ARHGAP8: variants seen among roughly 807,000 people sequenced by gnomAD.
The protein encoded by ARHGAP8 is Rho GTPase activating protein 8, also known as rho GTPase-activating protein 8.
A neutral mutation model predicts 46.1 loss-of-function variants in ARHGAP8; 62 were observed. The observed-to-expected ratio is 1.34, with a 90% CI of 1.10 to 1.66. ARHGAP8 has a LOEUF of 1.66. ARHGAP8 is among the 40% of genes most tolerant of loss of function. ARHGAP8 has a pLI of 0.00. For synonymous variants in ARHGAP8, 375 were observed against 243.1 expected (o/e 1.54, Z -5.05); for missense variants, 923 against 568.4 (o/e 1.62, Z -6.34).
intron 10 of ARHGAP8, among the ~76,000 whole-genome samples, chr22:44,853,000 C>T (rs1442870042): frequency 2.0e-5 from 3 of 152,190 alleles, no homozygotes; most frequent in Non-Finnish European, 4.4e-5. Flanking sequence ...GACAGCATTT[C>T]ACTGTGTCAG....
chr22:44,820,638 G>C (rs2349854), intron 5 of ARHGAP8, among the ~76,000 whole-genome samples: 111,829 of 152,124 alleles, frequency 0.74, 41,296 homozygotes, highest in East Asian at 0.92. Context: ...CTCCCCTTGT[G>C]CTTGGGGTGA....
chr22:44,801,738 C>T (rs1464622550), intron 2 of ARHGAP8: 2 of 287,760 alleles, frequency 7.0e-6, no homozygotes, highest in Non-Finnish European at 1.3e-5. Context: ...AGAGTGGCTA[C>T]ACCCTGCCTT....
At chr22:44,778,124 C>T (rs1602161388) in intron 1 of ARHGAP8, among the ~76,000 whole-genome samples, 1 of 151,996 alleles carries the variant, frequency 6.6e-6, no homozygotes, top group East Asian at 1.9e-4. Context: ...TGGGTGCACC[C>T]ATCACCTGAG....
intron 7 of ARHGAP8, among the ~76,000 whole-genome samples, chr22:44,830,000 C>A (rs1321158938): frequency 6.8e-6 from 1 of 147,358 alleles, no homozygotes; most frequent in East Asian, 2.0e-4. Flanking sequence ...TGAGCTCTGG[C>A]ATTTTCTTTT....
chr22:44,819,568 G>A (rs1180892682), intron 5 of ARHGAP8, among the ~76,000 whole-genome samples: 1 of 152,286 alleles, frequency 6.6e-6, no homozygotes, highest in Middle Eastern at 3.4e-3. Flanking sequence ...AGCTACTCAG[G>A]AGGGTGAGCT....
chr22:44,783,446 C>T (rs1926991086), intron 1 of ARHGAP8, among the ~76,000 whole-genome samples: 1 of 152,202 alleles, frequency 6.6e-6, no homozygotes, highest in African/African-American at 2.4e-5. Flanking sequence ...CTCCTGCTCC[C>T]CCTTCTCTGC....
At position 44,862,506 on chromosome 22, in the gene ARHGAP8, C is replaced by A; in HGVS notation, c.1213C>A (p.Gln405Lys). The A allele has an allele frequency of 6.2e-7, 1 of 1,613,320 alleles. No homozygotes were observed. Among genetic ancestry groups the A allele is most frequent in the Non-Finnish European group, 8.5e-7 (1 of 1,179,408 alleles). Residue 405 changes from glutamine (Q) to lysine (K), a missense_variant, in exon 12 of 12, where the codon CAG becomes AAG. Coordinates refer to ENST00000356099, the MANE Select transcript of ARHGAP8 (RefSeq NM_181335.3). Reference protein sequence around the residue: ...WEQGSRAAPLQEAVPRTQATG... With the variant: ...WEQGSRAAPLKEAVPRTQATG... Reference sequence around the variant, plus strand: ...ACAGGGGAGCAGGGCAGCCCCTTTGCAGGAGGCTGTGCCACGGACACAAGC... The same window carrying A: ...ACAGGGGAGCAGGGCAGCCCCTTTGAAGGAGGCTGTGCCACGGACACAAGC...
At chr22:44,809,305 A>G (rs751320301) in intron 4 of ARHGAP8, 1 of 425,594 alleles carries the variant, frequency 2.3e-6, no homozygotes, top group Non-Finnish European at 4.9e-6. Context: ...ACTTAAAAAC[A>G]TAAAAAGCCA....
intron 2 of ARHGAP8, among the ~76,000 whole-genome samples, chr22:44,793,043 C>T (rs772236252): frequency 1.9e-4 from 29 of 152,076 alleles, no homozygotes; most frequent in Admixed American, 3.9e-4. Flanking sequence ...AGGTTAGTCT[C>T]GAAATCCTGA....
Position 44,822,422 on chromosome 22 carries a change from C to A in ARHGAP8, c.438C>A (p.His146Gln). 6.3e-7 allele frequency: 1 copy of A among 1,578,404 alleles called. No homozygotes were observed. Among genetic ancestry groups the A allele is most frequent in the Non-Finnish European group, 8.6e-7 (1 of 1,168,584 alleles). ...VIYFNYLSEL[H>Q]EHLKYDQLVI... is the part of the protein sequence containing the mutation. Reference sequence around the variant, plus strand: ...ATTTCAACTACCTGAGTGAGCTCCACGAACACCTTAAATACGACCAGCTGG... The same window carrying A: ...ATTTCAACTACCTGAGTGAGCTCCAAGAACACCTTAAATACGACCAGCTGG... The change falls in exon 6 of 12, where the codon CAC (histidine) becomes CAA (glutamine). Residue 146 changes from histidine to glutamine, a missense_variant. Physicochemically the swap from His to Gln is conservative, Grantham distance 24 (BLOSUM62 0). Coordinates refer to ENST00000356099, the MANE Select transcript of ARHGAP8 (RefSeq NM_181335.3).
chr22:44,822,584 T>G (rs957746686), intron 6 of ARHGAP8, 115 bp downstream of exon 6: 11 of 985,554 alleles, frequency 1.1e-5, no homozygotes, highest in Non-Finnish European at 1.4e-5. Context: ...CTTGGCTAGA[T>G]TTGGCTCAGA....
At chr22:44,830,126 C>T in intron 7 of ARHGAP8, among the ~76,000 whole-genome samples, 1 of 149,932 alleles carries the variant, frequency 6.7e-6, no homozygotes, top group Non-Finnish European at 1.5e-5. Flanking sequence ...TGGGTTCAAG[C>T]AATTCTCCTG....
intron 11 of ARHGAP8, among the ~76,000 whole-genome samples, chr22:44,861,221 C>A (rs554410983): frequency 5.5e-4 from 84 of 152,282 alleles, no homozygotes; most frequent in African/African-American, 1.9e-3. Flanking sequence ...ATCCACCTGC[C>A]TCGGCCTCTT....
At chr22:44,851,912 C>T (rs62232220) in intron 10 of ARHGAP8, among the ~76,000 whole-genome samples, 30,838 of 151,706 alleles carry the variant, frequency 0.2, 4,101 homozygotes, top group Admixed American at 0.26. Context: ...GAAAATGGGC[C>T]GGGTGCAGTG....
At chr22:44,846,103 A>C (rs2069949147) in intron 8 of ARHGAP8, among the ~76,000 whole-genome samples, 2 of 152,224 alleles carry the variant, frequency 1.3e-5, no homozygotes, top group Admixed American at 1.3e-4. Flanking sequence ...AATCCCCCTA[A>C]CATGGCCAGA....
At position 44,848,939 on chromosome 22, in the gene ARHGAP8, C is replaced by T. The variant is rs202116130; in HGVS notation, c.756C>T (p.Pro252=). ...EIQRLYNQGK[P]VNFDDYGDIH... is the part of the protein sequence containing the mutation. ...GCTGTGTTGTGTGTGCAGGGAAGCC[C>T]GTGAACTTTGACGACTACGGGGACA... Residue 252 remains proline, a synonymous_variant, in exon 10 of 12, where the codon CCC becomes CCT. Coordinates refer to ENST00000356099, the MANE Select transcript of ARHGAP8 (RefSeq NM_181335.3). The T allele has an allele frequency of 1.8e-5, 29 of 1,614,102 alleles. No homozygotes were observed. The highest frequency in any genetic ancestry group is 1.5e-4 in the Admixed American group (9 of 60,020).
chr22:44,862,771 CCG>C lies in ARHGAP8; in HGVS notation c.*177_*178del. On this transcript the variant is annotated 3_prime_UTR_variant, in exon 12 of 12. Coordinates refer to ENST00000356099, the MANE Select transcript of ARHGAP8 (RefSeq NM_181335.3). ...TTGTCCATGGTTCCTGAGCTGTGGA[CCG>C]GGATAGAATAATGCATTTGTTAGGA... The C allele has an allele frequency of 2.7e-6, 2 of 751,584 alleles. No individual in the cohort carries two copies. The highest frequency in any genetic ancestry group is 4.0e-6 in the Non-Finnish European group (2 of 494,364). 46.6% of individuals were successfully genotyped at this position (751,584 alleles called of 1,614,324 possible).
chr22:44,856,390 C>T (rs1037182052), intron 10 of ARHGAP8, among the ~76,000 whole-genome samples: 19 of 151,426 alleles, frequency 1.3e-4, no homozygotes, highest in Admixed American at 4.6e-4. Flanking sequence ...TGTCCTGCCT[C>T]AGGCTCCCAA....
intron 1 of ARHGAP8, among the ~76,000 whole-genome samples, chr22:44,770,381 T>C (rs796880526): frequency 4.6e-5 from 7 of 151,474 alleles, no homozygotes; most frequent in African/African-American, 1.7e-4. Flanking sequence ...AATGCAAAAG[T>C]CTGAAAAGGC....
Sources: allele counts gnomAD v4.1 joint callset (sites outside exome capture counted in the v4.1 genomes callset), GRCh38; gene constraint gnomAD v4.1.1; transcripts MANE v1.5; gene names NCBI Gene and HGNC (gene_info 2026-07-23, HGNC 2026-07-21).